SLC14A2: variants seen among roughly 807,000 people sequenced by gnomAD.
SLC14A2 encodes solute carrier family 14 member 2.
Under a neutral mutation model 104.6 loss-of-function variants are expected in SLC14A2, and 91 were observed. The ratio of observed to expected loss-of-function variants is 0.87; its 90% CI spans 0.73 to 1.04. The LOEUF is 1.04. Ranked by LOEUF, SLC14A2 falls within the 50% of genes least tolerant of loss-of-function variation. The pLI, the probability that SLC14A2 is intolerant of heterozygous loss-of-function variation, is 0.00. For missense variants in SLC14A2, 1,189 were observed against 1,156.0 expected, an observed-to-expected ratio of 1.03 and a Z score of -0.41; for synonymous variants, 476 against 466.4, an observed-to-expected ratio of 1.02 and a Z score of -0.27.
At chr18:45,497,511 G>C (rs1031144329) in intron 2 of SLC14A2, among the ~76,000 whole-genome samples, 1 of 152,194 alleles carries the variant, frequency 6.6e-6, no homozygotes, top group Admixed American at 6.5e-5. Flanking sequence ...TGGGGCAAGA[G>C]AATAGGTTTT....
At chr18:45,341,595 CTTTTTTTTTTTTTTTT>C (rs376534367) in intron 1 of SLC14A2, among the ~76,000 whole-genome samples, 3 of 83,162 alleles carry the variant, frequency 3.6e-5, no homozygotes, top group African/African-American at 5.5e-5. Flanking sequence ...TCTAGTATTA[CTTTTTTTTTTTTTTTT>C]TTTTTTTTTT....
At chr18:45,249,863 C>T (rs113496112) in intron 1 of SLC14A2, among the ~76,000 whole-genome samples, 3,933 of 152,124 alleles carry the variant, frequency 0.026, 181 homozygotes, top group African/African-American at 0.09. Context: ...ATGGGAGGAT[C>T]CCTTGTGCCC....
At chr18:45,492,365 C>T (rs1001544083) in intron 2 of SLC14A2, among the ~76,000 whole-genome samples, 15 of 152,266 alleles carry the variant, frequency 9.9e-5, no homozygotes, top group Admixed American at 7.8e-4. Flanking sequence ...CAGTTCTGCA[C>T]GGCGGGTGAG....
rs1249256688 is a variant in SLC14A2 at position 45,672,971 on chromosome 18, C to T, written c.2301C>T (p.Phe767=). 2.5e-6 allele frequency: 4 copies of T among 1,614,018 alleles called. No individual in the cohort carries two copies. Among genetic ancestry groups the T allele is most frequent in the African/African-American group, 1.3e-5 (1 of 74,912 alleles). Reference sequence around the variant, plus strand: ...ATAACCCCTGGACTGGAGGCATCTTCCTCATAGCTCTGTTCATATCCTCAC... The same window carrying T: ...ATAACCCCTGGACTGGAGGCATCTTTCTCATAGCTCTGTTCATATCCTCAC... ...GCDNPWTGGI[F]LIALFISSPL... Residue 767 remains phenylalanine (F), a synonymous_variant, in exon 17 of 20, where the codon TTC becomes TTT. Coordinates refer to ENST00000255226, the MANE Select transcript of SLC14A2 (RefSeq NM_007163.4).
At chr18:45,523,770 G>A (rs2043551889) in intron 2 of SLC14A2, among the ~76,000 whole-genome samples, 1 of 152,090 alleles carries the variant, frequency 6.6e-6, no homozygotes, top group Admixed American at 6.6e-5. Flanking sequence ...GATCTCCACT[G>A]AGGGCTTCCT....
the SLC14A2 span, among the ~76,000 whole-genome samples, chr18:45,178,152 T>C: frequency 6.6e-6 from 1 of 152,156 alleles, no homozygotes; most frequent in South Asian, 2.1e-4. Context: ...TTGTTTATTA[T>C]TAGAATCCAT....
rs1243340255 is a variant in SLC14A2 at position 45,385,987 on chromosome 18, A to G, written c.-124-97246A>G. 2.0e-5 allele frequency among the ~76,000 whole-genome samples: 3 copies of G among 152,316 alleles called. No homozygotes were observed. The South Asian group carries it at 6.2e-4, about 32-fold the overall frequency. On this transcript the variant is annotated intron_variant, in intron 1 of 20. Transcript: ENST00000586448. The stretch of plus-strand genomic sequence containing the variant: ...GGGTGTGGGTGAAGCAGAAAACACA[A>G]TGACTGCCCACAGGAGCTTAGGGTC...
chr18:45,429,334 C>A lies in SLC14A2; in HGVS notation c.-124-53899C>A, dbSNP rs1224341816. Among the ~76,000 whole-genome samples, 4 of 152,178 alleles carry A rather than the reference C, an allele frequency of 2.6e-5. No individual in the cohort carries two copies. In the East Asian group the frequency reaches 5.8e-4, roughly 22 times the overall value. On this transcript the variant is annotated intron_variant, in intron 1 of 20. Transcript: ENST00000586448. ...GAAACTGTGGAGAGTCTGTGGAAGA[C>A]TTGCCTATGACTGAAATTGGCGATG...
chr18:45,367,147 A>T (rs2085674216), intron 1 of SLC14A2, among the ~76,000 whole-genome samples: 1 of 152,158 alleles, frequency 6.6e-6, no homozygotes, highest in South Asian at 2.1e-4. Flanking sequence ...TTCAGTTTGG[A>T]GTAAGAGAAA....
intron 2 of SLC14A2, among the ~76,000 whole-genome samples, chr18:45,553,782 C>A (rs533017346): frequency 1.3e-5 from 2 of 152,226 alleles, no homozygotes; most frequent in African/African-American, 4.8e-5. Context: ...CAGAAAGGGA[C>A]CCACACAATC....
chr18:45,437,893 C>G (rs1208851014), intron 1 of SLC14A2, among the ~76,000 whole-genome samples: 1 of 152,180 alleles, frequency 6.6e-6, no homozygotes, highest in Non-Finnish European at 1.5e-5. Context: ...AAAATACATG[C>G]TCTTAATGTA....
intron 1 of SLC14A2, among the ~76,000 whole-genome samples, chr18:45,459,896 A>T (rs1192019629): frequency 6.6e-6 from 1 of 152,200 alleles, no homozygotes; most frequent in Non-Finnish European, 1.5e-5. Flanking sequence ...AGATGGTTGC[A>T]TTCAGCCCAA....
intron 2 of SLC14A2, among the ~76,000 whole-genome samples, chr18:45,512,101 T>A (rs911308335): frequency 6.6e-6 from 1 of 152,158 alleles, no homozygotes; most frequent in African/African-American, 2.4e-5. Flanking sequence ...AAAGATGCTA[T>A]ATGGGTAAAC....
At chr18:45,591,333 CTTGTT>C (rs137982590) in intron 2 of SLC14A2, among the ~76,000 whole-genome samples, 19 of 151,952 alleles carry the variant, frequency 1.3e-4, no homozygotes, top group South Asian at 2.1e-4. Context: ...AACAATATTT[CTTGTT>C]TTGTTTTGTT....
chr18:45,494,915 T>TACACACACAC (rs58079608), intron 2 of SLC14A2, among the ~76,000 whole-genome samples: 2,061 of 148,732 alleles, frequency 0.014, 39 homozygotes, highest in African/African-American at 0.042. Context: ...CACACACACA[T>TACACACACAC]ACACACACAC....
At chr18:45,451,601 A>T (rs1216234909) in intron 1 of SLC14A2, among the ~76,000 whole-genome samples, 2 of 152,172 alleles carry the variant, frequency 1.3e-5, no homozygotes, top group Non-Finnish European at 2.9e-5. Flanking sequence ...AAAATAAATA[A>T]AAAATAATTA....
chr18:45,570,464 A>G (rs1283078453), intron 2 of SLC14A2, among the ~76,000 whole-genome samples: 1 of 152,236 alleles, frequency 6.6e-6, no homozygotes, highest in Non-Finnish European at 1.5e-5. Flanking sequence ...TGAGAAGAGA[A>G]TAAGAGCACT....
At chr18:45,354,269 A>C (rs1221735627) in intron 1 of SLC14A2, among the ~76,000 whole-genome samples, 1 of 152,192 alleles carries the variant, frequency 6.6e-6, no homozygotes, top group African/African-American at 2.4e-5. Flanking sequence ...CAGATCAATA[A>C]GCCTCAAGGG....
Position 45,348,058 on chromosome 18 carries a change from C to T in SLC14A2, c.-125+134867C>T, listed in dbSNP as rs73955542. 9.6e-4 allele frequency among the ~76,000 whole-genome samples: 146 copies of T among 152,332 alleles called. 1 individual carries two copies. The highest frequency in any genetic ancestry group is 3.3e-3 in the African/African-American group (138 of 41,574). ...GAAGTGGAATTCGTCAATTGAAGCTCCTTGCCATCATGATGGCAGTGATTT... is the reference window on the plus strand; with the variant it reads ...GAAGTGGAATTCGTCAATTGAAGCTTCTTGCCATCATGATGGCAGTGATTT... On this transcript the variant is annotated intron_variant, in intron 1 of 20. Transcript: ENST00000586448.
Sources: allele counts gnomAD v4.1 joint callset (sites outside exome capture counted in the v4.1 genomes callset), GRCh38; gene constraint gnomAD v4.1.1; transcripts MANE v1.5; gene names NCBI Gene and HGNC (gene_info 2026-07-23, HGNC 2026-07-21).